RTN4: variants seen among roughly 807,000 people sequenced by gnomAD.
The protein encoded by RTN4 is reticulon-4.
A neutral mutation model predicts 90.4 loss-of-function variants in RTN4; 32 were observed. The ratio of observed to expected loss-of-function variants is 0.35; its 90% confidence interval spans 0.27 to 0.48. RTN4 has a LOEUF of 0.48. Ranked by LOEUF, RTN4 falls within the 20% of genes least tolerant of loss-of-function variation. The pLI is 0.99. For synonymous variants in RTN4, 629 were observed against 552.5 expected, an observed-to-expected ratio of 1.14 and a Z score of -1.94; for missense variants, 1,706 against 1,430.2, an observed-to-expected ratio of 1.19 and a Z score of -3.11.
In RTN4 at chr2:54,974,686, T is replaced by G. The variant is rs200141351; in HGVS notation, c.3430+9A>C. 55 of 1,609,254 alleles carry G rather than the reference T, an allele frequency of 3.4e-5. 1 individual carries two copies. In the African/African-American group the frequency reaches 7.1e-4, roughly 21 times the overall value. ...GCAATTTTTCATCCCAATGGCTTTG[T>G]AGACTTACCCAAAATCAGTAGTGTC... On this transcript the variant is annotated intron_variant, in intron 6 of 8. Transcript: ENST00000337526.
At chr2:54,978,293 G>C (rs936793292) in intron 5 of RTN4, among the ~76,000 whole-genome samples, 1 of 152,090 alleles carries the variant, frequency 6.6e-6, no homozygotes, top group African/African-American at 2.4e-5. Flanking sequence ...AGCTGGGCGT[G>C]GTGGCGGACA....
At chr2:54,975,930 G>A (rs748483614) in intron 5 of RTN4, among the ~76,000 whole-genome samples, 6 of 152,084 alleles carry the variant, frequency 3.9e-5, no homozygotes, top group Non-Finnish European at 7.4e-5. Flanking sequence ...TTAAGCTGCC[G>A]TATTCTTAGC....
At chr2:55,053,654 A>G (rs2968792), upstream of RTN4, among the ~76,000 whole-genome samples, 1 of 150,604 alleles carries the variant, frequency 6.6e-6, no homozygotes, top group Non-Finnish European at 1.5e-5. Flanking sequence ...CCATTGCACT[A>G]CAGCCTGGGT....
chr2:55,009,412 C>T (rs1680469605), intron 3 of RTN4, among the ~76,000 whole-genome samples: 1 of 152,084 alleles, frequency 6.6e-6, no homozygotes, highest in South Asian at 2.1e-4. Context: ...TAAATTCTTA[C>T]ACAATGATCC....
chr2:55,129,687 G>C, the RTN4 span, among the ~76,000 whole-genome samples: 17 of 151,926 alleles, frequency 1.1e-4, no homozygotes, highest in Non-Finnish European at 1.9e-4. Context: ...TCAGCCTCCC[G>C]AGTAGCTGGG....
chr2:55,034,296 T>C (rs1000880500), intron 1 of RTN4, among the ~76,000 whole-genome samples: 1 of 152,016 alleles, frequency 6.6e-6, no homozygotes, highest in Non-Finnish European at 1.5e-5. Flanking sequence ...AGCCCTGGGG[T>C]ACGAGACCAG....
chr2:54,994,365 A>G (rs1348470222), intron 3 of RTN4, among the ~76,000 whole-genome samples: 1 of 152,242 alleles, frequency 6.6e-6, no homozygotes, highest in African/African-American at 2.4e-5. Flanking sequence ...GCAACATATA[A>G]AAAAGATTAT....
intron 4 of RTN4, among the ~76,000 whole-genome samples, chr2:54,984,181 T>C (rs1400935246): frequency 1.3e-5 from 2 of 152,222 alleles, no homozygotes; most frequent in East Asian, 3.8e-4. Flanking sequence ...CATAAAACCC[T>C]GATGTTCTCT....
chr2:55,079,396 A>G (rs1329777424), intron 2 of RTN4, among the ~76,000 whole-genome samples: 2 of 152,096 alleles, frequency 1.3e-5, no homozygotes, highest in African/African-American at 2.4e-5. Context: ...GTTTTGTTTT[A>G]AAGTCTGACC....
At chr2:55,086,249 A>AGTT (rs1290673607) in intron 1 of RTN4, among the ~76,000 whole-genome samples, 1 of 152,232 alleles carries the variant, frequency 6.6e-6, no homozygotes, top group African/African-American at 2.4e-5. Context: ...AGTAGTGTTT[A>AGTT]GTTTTGTTTT....
chr2:55,085,579 A>T (rs751579343), intron 1 of RTN4, among the ~76,000 whole-genome samples: 6 of 152,236 alleles, frequency 3.9e-5, no homozygotes, highest in Non-Finnish European at 5.9e-5. Context: ...CTGACAATTT[A>T]GATGCTAATC....
rs200420602 is a variant in RTN4 at position 55,027,144 on chromosome 2, G to T, written c.955C>A (p.Pro319Thr). 57 of 1,613,190 alleles carry T rather than the reference G, an allele frequency of 3.5e-5. No individual in the cohort carries two copies. The highest frequency in any genetic ancestry group is 4.8e-5 in the Non-Finnish European group (57 of 1,179,744). The part of the protein sequence containing the change: ...KAESAVIVAN[P>T]REEIIVKNKD... ...TTTTTCACGATTATTTCTTCCCTAG[G>T]ATTTGCTACTATTACGGCAGATTCT... The change falls in exon 3 of 9, where the codon CCT becomes ACT. Residue 319 changes from proline (P) to threonine (T), a missense_variant. Transcript: ENST00000337526.
chr2:55,079,999 T>C (rs986333221), intron 2 of RTN4, among the ~76,000 whole-genome samples: 2 of 152,132 alleles, frequency 1.3e-5, no homozygotes, highest in African/African-American at 4.8e-5. Flanking sequence ...TATGTAAACA[T>C]TTGCTAGCAT....
At chr2:55,125,031 AC>A in the RTN4 span, among the ~76,000 whole-genome samples, 7 of 152,202 alleles carry the variant, frequency 4.6e-5, no homozygotes, top group Non-Finnish European at 1.0e-4. Context: ...TTGAAAATGG[AC>A]CCCTTTCTTA....
intron 1 of RTN4, among the ~76,000 whole-genome samples, chr2:55,085,432 G>A (rs1024449427): frequency 2.6e-5 from 4 of 152,182 alleles, no homozygotes; most frequent in African/African-American, 9.7e-5. Flanking sequence ...GGAGAGGAGT[G>A]GGTGTTGCAG....
Position 55,010,282 on chromosome 2 carries a change from T to C in RTN4, c.3013+14804A>G, listed in dbSNP as rs188492525. On this transcript the variant is annotated intron_variant, in intron 3 of 8. Coordinates refer to ENST00000337526, the MANE Select transcript of RTN4 (RefSeq NM_020532.5). ...CAACTGCAGCAGGACTGAAGTCACC[T>C]GACGTCTTCTGGGTGTGGAACAGTC... 9.8e-5 allele frequency: 144 copies of C among 1,470,064 alleles called. No individual in the cohort carries two copies. In the East Asian group the frequency reaches 3.0e-3, roughly 31 times the overall value. The allele number at this position is 1,470,064 out of a possible 1,614,324, so 91.1% of individuals were successfully genotyped here.
intron 3 of RTN4, among the ~76,000 whole-genome samples, chr2:55,009,052 C>T (rs966935448): frequency 3.3e-5 from 5 of 152,128 alleles, no homozygotes; most frequent in Admixed American, 1.3e-4. Context: ...TGGTCTCAAT[C>T]TTAAATTCAC....
chr2:55,008,731 T>C (rs929487644), intron 3 of RTN4, among the ~76,000 whole-genome samples: 1 of 152,284 alleles, frequency 6.6e-6, no homozygotes, highest in African/African-American at 2.4e-5. Context: ...CTTAAGATGT[T>C]ATTTAATGAT....
Position 55,025,255 on chromosome 2 carries a change from C to G in RTN4, c.2844G>C (p.Val948=), listed in dbSNP as rs1312958843. The G allele has an allele frequency of 6.2e-7, 1 of 1,613,894 alleles. No individual in the cohort carries two copies. The highest frequency in any genetic ancestry group is 8.5e-7 in the Non-Finnish European group (1 of 1,179,862). ...CAGAAACATCTGGAGGCAATAAGAGCACCTTTGATGTAGCAGACCCATTTT... is the reference window on the plus strand; with the variant it reads ...CAGAAACATCTGGAGGCAATAAGAGGACCTTTGATGTAGCAGACCCATTTT... The part of the protein sequence containing the change: ...FSKNGSATSK[V]LLLPPDVSAL... Residue 948 remains valine (V), a synonymous_variant, in exon 3 of 9, where the codon GTG becomes GTC. Coordinates refer to ENST00000337526, the MANE Select transcript of RTN4 (RefSeq NM_020532.5).
Sources: gnomAD v4.1 joint callset for allele counts (sites outside exome capture counted in the v4.1 genomes callset) on GRCh38, gnomAD v4.1.1 for gene constraint, MANE v1.5 for transcripts, NCBI Gene and HGNC (gene_info 2026-07-23, HGNC 2026-07-21) for gene names.